Variants in HEATR1 observed in about 807,000 individuals in gnomAD.
HEATR1 encodes HEAT repeat containing 1.
In HEATR1, 77 loss-of-function variants were observed where a neutral mutation model predicts 248.2. The observed-to-expected ratio is 0.31, with a 90% CI of 0.26 to 0.37. The LOEUF is 0.37. Among genes scored for constraint, HEATR1 ranks in the 10% least tolerant of loss-of-function variants. HEATR1 has a pLI of 1.00. For synonymous variants in HEATR1, 897 were observed against 923.1 expected (o/e 0.97, Z 0.51); for missense variants, 2,420 against 2,504.9 (o/e 0.97, Z 0.72).
chr1:236,558,904 A>C (rs1572033285), intron 35 of HEATR1, 91 bp downstream of exon 35: 9 of 1,107,740 alleles, frequency 8.1e-6, no homozygotes, highest in Non-Finnish European at 1.2e-5. Flanking sequence ...TCAATTTGAA[A>C]TTGTACCACT....
rs1241803089 is a variant in HEATR1 at position 236,583,992 on chromosome 1, T to C, written c.2242-796A>G. Among the ~76,000 whole-genome samples the C allele has an allele frequency of 2.0e-5, 3 of 152,118 alleles. 1 individual carries two copies. Among genetic ancestry groups the C allele is most frequent in the East Asian group, 3.9e-4 (2 of 5,170 alleles). ...AAGTGCCAAAAGAATGCAGAACAGG[T>C]GTAAGAAAATGACAAATATGACTCT... On this transcript the variant is annotated intron_variant, in intron 17 of 44. Transcript: ENST00000366582.
intron 31 of HEATR1, 29 bp from the exon 32 acceptor site, chr1:236,564,690 A>C: frequency 5.0e-6 from 8 of 1,591,664 alleles, no homozygotes; most frequent in Non-Finnish European, 3.4e-6. Flanking sequence ...AAGTGACCTT[A>C]CTCATTTTCA....
At chr1:236,562,439 C>T (rs1663154226) in intron 32 of HEATR1, among the ~76,000 whole-genome samples, 1 of 152,178 alleles carries the variant, frequency 6.6e-6, no homozygotes, top group African/African-American at 2.4e-5. Context: ...GGTGTGACAT[C>T]AGACTTTTCC....
chr1:236,556,386 GA>G, intron 37 of HEATR1, 128 bp from the exon 38 acceptor site: 1 of 980,066 alleles, frequency 1.0e-6, no homozygotes, highest in Non-Finnish European at 1.5e-6. Flanking sequence ...ACTACACACA[GA>G]ATTCCTTTTA....
chr1:236,572,017 CAT>C (rs986723968), intron 26 of HEATR1, among the ~76,000 whole-genome samples: 17 of 151,584 alleles, frequency 1.1e-4, no homozygotes, highest in African/African-American at 3.4e-4. Context: ...TACACACACA[CAT>C]ACACAAATCT....
At chr1:236,561,162 C>A in intron 33 of HEATR1, 63 bp downstream of exon 33, 1 of 1,172,320 alleles carries the variant, frequency 8.5e-7, no homozygotes, top group Admixed American at 1.9e-5. Flanking sequence ...ACTGTTTTTC[C>A]AGGTTTTCTA....
intron 20 of HEATR1, among the ~76,000 whole-genome samples, chr1:236,580,823 G>GTT (rs755652612): frequency 6.5e-5 from 3 of 46,154 alleles, no homozygotes; most frequent in Non-Finnish European, 1.6e-4. Context: ...GGCCTTTATC[G>GTT]ATTTTTTTTT....
intron 28 of HEATR1, 79 bp downstream of exon 28, chr1:236,571,272 A>G: frequency 6.7e-7 from 1 of 1,484,310 alleles, no homozygotes; most frequent in South Asian, 1.4e-5. Flanking sequence ...TTAAATTTAA[A>G]ATCAACAGGT....
At chr1:236,564,782 G>A (rs1663225265) in intron 31 of HEATR1, 121 bp from the exon 32 acceptor site, 1 of 942,898 alleles carries the variant, frequency 1.1e-6, no homozygotes, top group Non-Finnish European at 1.5e-6. Context: ...CCAGAGAAAT[G>A]TGTTCATCTA....
intron 11 of HEATR1, among the ~76,000 whole-genome samples, chr1:236,591,274 T>C (rs1470750091): frequency 1.3e-5 from 2 of 152,208 alleles, no homozygotes; most frequent in Non-Finnish European, 2.9e-5. Flanking sequence ...ATCCCTGTTT[T>C]AGCACCTTCC....
At chr1:236,591,957 C>T in intron 11 of HEATR1, 36 bp downstream of exon 11, 1 of 1,304,908 alleles carries the variant, frequency 7.7e-7, no homozygotes, top group Non-Finnish European at 1.1e-6. Flanking sequence ...ACAAATGTAC[C>T]CCAAATTGTC....
chr1:236,601,573 C>T (rs985209314), intron 3 of HEATR1, among the ~76,000 whole-genome samples: 15 of 152,020 alleles, frequency 9.9e-5, no homozygotes, highest in Admixed American at 5.2e-4. Context: ...GAGGCCGACT[C>T]GGCAGGAGGA....
In HEATR1 at chr1:236,582,882, C is replaced by A; in HGVS notation, c.2426-10G>T. 1 of 1,613,492 alleles carries A rather than the reference C, an allele frequency of 6.2e-7. No individual in the cohort carries two copies. Among genetic ancestry groups the A allele is most frequent in the African/African-American group, 1.3e-5 (1 of 75,038 alleles). ...TTCCACCATATATCACCTACAAGGA[C>A]ATGGAAAGAGAAATGATGCTAGATC... On this transcript the variant is annotated splice_polypyrimidine_tract_variant and intron_variant, in intron 18 of 44. Transcript: ENST00000366582.
intron 43 of HEATR1, 28 bp from the exon 44 acceptor site, chr1:236,552,135 A>G: frequency 1.4e-6 from 2 of 1,420,742 alleles, no homozygotes; most frequent in South Asian, 1.2e-5. Context: ...GCAAAGAAAT[A>G]AAAAGTAGTG....
At position 236,572,562 on chromosome 1, in the gene HEATR1, A is replaced by G; in HGVS notation, c.3564-8T>C. 6.2e-7 allele frequency: 1 copy of G among 1,613,624 alleles called. No homozygotes were observed. The highest frequency in any genetic ancestry group is 8.5e-7 in the Non-Finnish European group (1 of 1,179,818). On this transcript the variant is annotated splice_region_variant and splice_polypyrimidine_tract_variant and intron_variant, in intron 25 of 44. Coordinates refer to ENST00000366582, the MANE Select transcript of HEATR1 (RefSeq NM_018072.6). ...TCTAGATCTTGTGATTTTCTGGAAA[A>G]TGGAGAAGACAAAACGTTGGAAAAG...
At chr1:236,584,959 G>T in intron 17 of HEATR1, 66 bp downstream of exon 17, 1 of 1,383,908 alleles carries the variant, frequency 7.2e-7, no homozygotes, top group Non-Finnish European at 9.9e-7. Flanking sequence ...CAGTTTTGCT[G>T]TGACTAATAG....
At chr1:236,604,309 C>T (rs1481990248) in intron 1 of HEATR1, 113 bp downstream of exon 1, 2 of 459,116 alleles carry the variant, frequency 4.4e-6, no homozygotes, top group Non-Finnish European at 7.4e-6. Flanking sequence ...GTAGCGGCGA[C>T]CGCGCCAAGG....
chr1:236,593,465 CTACA>C (rs1192376224), intron 9 of HEATR1, among the ~76,000 whole-genome samples: 1 of 151,774 alleles, frequency 6.6e-6, no homozygotes, highest in Admixed American at 6.6e-5. Flanking sequence ...AATGGCAAAG[CTACA>C]TCCAGACTAA....
intron 42 of HEATR1, among the ~76,000 whole-genome samples, 176 bp downstream of exon 42, chr1:236,554,422 A>G (rs1479045237): frequency 6.6e-6 from 1 of 152,212 alleles, no homozygotes; most frequent in Non-Finnish European, 1.5e-5. Context: ...AAATTCCACA[A>G]TGAAGTTATA....
Sources: allele counts gnomAD v4.1 joint callset (sites outside exome capture counted in the v4.1 genomes callset), GRCh38; gene constraint gnomAD v4.1.1; transcripts MANE v1.5; gene names NCBI Gene and HGNC (gene_info 2026-07-23, HGNC 2026-07-21).